FRZB: variants seen among roughly 807,000 people sequenced by gnomAD.
FRZB encodes secreted frizzled-related protein 3.
A neutral mutation model predicts 32.5 loss-of-function variants in FRZB; 34 were observed. The observed-to-expected ratio is 1.05, with a 90% CI of 0.80 to 1.39. The LOEUF is 1.39. Among genes scored for constraint, FRZB ranks in the 40% most tolerant of loss-of-function variants. The pLI is 0.00. For missense variants in FRZB, 423 were observed against 424.8 expected, an observed-to-expected ratio of 1.00 and a Z score of 0.04; for synonymous variants, 170 against 159.2, an observed-to-expected ratio of 1.07 and a Z score of -0.51.
intron 2 of FRZB, among the ~76,000 whole-genome samples, chr2:182,845,552 T>C (rs1695630245): frequency 6.6e-6 from 1 of 151,252 alleles, no homozygotes; most frequent in African/African-American, 2.4e-5. Context: ...GCCTTGGTGC[T>C]TTATGTAAGG....
chr2:182,842,463 T>A lies in FRZB; in HGVS notation c.592+15A>T, dbSNP rs763714098. 1 of 1,597,172 alleles carries A rather than the reference T, an allele frequency of 6.3e-7. No homozygotes were observed. Among genetic ancestry groups the A allele is most frequent in the Non-Finnish European group, 8.6e-7 (1 of 1,164,862 alleles). ...AACACAGCAGTTTATACATCAACCATGAAATTTTCCTTACCATAGTTGTAA... is the reference window on the plus strand; with the variant it reads ...AACACAGCAGTTTATACATCAACCAAGAAATTTTCCTTACCATAGTTGTAA... On this transcript the variant is annotated intron_variant, in intron 3 of 5. Coordinates refer to ENST00000295113, the MANE Select transcript of FRZB (RefSeq NM_001463.4).
In FRZB at chr2:182,858,816, T is replaced by C. The variant is rs757386855; in HGVS notation, c.496A>G (p.Ser166Gly). ...ADGADFPMDSSNGNCRGASSE... is the reference protein window; with the variant it reads ...ADGADFPMDSGNGNCRGASSE... ...CTTGCCCCTCTACAGTTTCCGTTAC[T>C]AGAATCCATAGGAAAATCTGAAAGG... is the stretch of plus-strand genomic sequence containing the variant. Residue 166 changes from serine (S) to glycine (G), a missense_variant, in exon 2 of 6, where the codon AGT (serine) becomes GGT (glycine). Ser to Gly is a moderately conservative substitution (Grantham distance 56). Transcript: ENST00000295113. 1.9e-6 allele frequency: 3 copies of C among 1,610,140 alleles called. No individual in the cohort carries two copies. The highest frequency in any genetic ancestry group is 1.7e-5 in the Admixed American group (1 of 59,984).
chr2:182,858,098 T>C (rs971810183), intron 2 of FRZB, among the ~76,000 whole-genome samples: 3 of 152,198 alleles, frequency 2.0e-5, no homozygotes, highest in Admixed American at 6.5e-5. Context: ...TGGCACTTTT[T>C]TACAAAGCTA....
chr2:182,860,657 A>G (rs1345426374), intron 1 of FRZB, among the ~76,000 whole-genome samples: 1 of 152,192 alleles, frequency 6.6e-6, no homozygotes, highest in Non-Finnish European at 1.5e-5. Context: ...ATCTGAGGTC[A>G]GGAGTTCGAG....
At chr2:182,858,670 A>T (rs993314554) in intron 2 of FRZB, 116 bp downstream of exon 2, 18 of 679,112 alleles carry the variant, frequency 2.7e-5, no homozygotes, top group Non-Finnish European at 3.9e-5. Flanking sequence ...GAATTTTAAA[A>T]AGTTTACTTG....
intron 1 of FRZB, among the ~76,000 whole-genome samples, chr2:182,864,636 T>C (rs1559052679): frequency 6.6e-6 from 1 of 152,250 alleles, no homozygotes; most frequent in African/African-American, 2.4e-5. Flanking sequence ...TCTGTTTATT[T>C]TTTTTCCTTC....
chr2:182,862,592 T>A lies in FRZB; in HGVS notation c.478+3483A>T, dbSNP rs1386936732. Among the ~76,000 whole-genome samples, 8 of 152,208 alleles carry A rather than the reference T, an allele frequency of 5.3e-5. No homozygotes were observed. The East Asian group carries it at 1.5e-3, about 29-fold the overall frequency. On this transcript the variant is annotated intron_variant, in intron 1 of 5. Transcript: ENST00000295113. ...GTTTTGTTTTTCCCCAGAGATGAAC[T>A]AATAAAAGTTCTAGGCTGCATCTGC... is the stretch of plus-strand genomic sequence containing the variant.
At chr2:182,848,687 T>C (rs1374249121) in intron 2 of FRZB, among the ~76,000 whole-genome samples, 1 of 152,142 alleles carries the variant, frequency 6.6e-6, no homozygotes, top group East Asian at 1.9e-4. Context: ...AGGAACCATA[T>C]AGAAGTCATA....
rs1695488746 is a variant in FRZB, at chr2:182,833,575, A to C, written c.*1274T>G. 2 of 152,198 alleles carry C rather than the reference A, an allele frequency of 1.3e-5. No individual in the cohort carries two copies. Among genetic ancestry groups the C allele is most frequent in the African/African-American group, 4.8e-5 (2 of 41,460 alleles). 9.4% of individuals were successfully genotyped at this position (152,198 alleles called of 1,614,324 possible). On this transcript the variant is annotated 3_prime_UTR_variant, in exon 6 of 6. Transcript: ENST00000295113. Reference sequence around the variant, plus strand: ...ATTGTAAATTGAATCATTGTAAGCTAGGGACCATCTATAAAAGCATCATTT... The same window carrying C: ...ATTGTAAATTGAATCATTGTAAGCTCGGGACCATCTATAAAAGCATCATTT...
At chr2:182,845,174 T>C (rs2049006118) in intron 2 of FRZB, among the ~76,000 whole-genome samples, 2 of 152,212 alleles carry the variant, frequency 1.3e-5, no homozygotes, top group African/African-American at 4.8e-5. Context: ...ATCTGAATTA[T>C]GTTTACACAC....
At chr2:182,848,526 C>A (rs373978525) in intron 2 of FRZB, among the ~76,000 whole-genome samples, 19 of 152,110 alleles carry the variant, frequency 1.2e-4, no homozygotes, top group African/African-American at 4.1e-4. Context: ...AATGGAAAAC[C>A]GACAGGGTCT....
intron 2 of FRZB, among the ~76,000 whole-genome samples, chr2:182,849,987 T>C (rs1481940023): frequency 6.6e-6 from 1 of 152,206 alleles, no homozygotes; most frequent in Non-Finnish European, 1.5e-5. Flanking sequence ...ATGTGTCCAC[T>C]CAATGCCAAG....
chr2:182,863,670 T>C (rs150149052), intron 1 of FRZB, among the ~76,000 whole-genome samples: 68 of 141,660 alleles, frequency 4.8e-4, no homozygotes, highest in African/African-American at 1.6e-3. Flanking sequence ...ATTCTGTTTA[T>C]ACCCAGTTGA....
intron 2 of FRZB, among the ~76,000 whole-genome samples, chr2:182,852,681 T>C (rs1695722175): frequency 6.6e-6 from 1 of 152,198 alleles, no homozygotes; most frequent in African/African-American, 2.4e-5. Flanking sequence ...ACCACTTGAA[T>C]ATCTGCTTTA....
intron 1 of FRZB, among the ~76,000 whole-genome samples, chr2:182,864,616 T>C (rs1695870023): frequency 6.6e-6 from 1 of 152,272 alleles, no homozygotes; most frequent in Non-Finnish European, 1.5e-5. Flanking sequence ...TAAAAAGTTC[T>C]TGAAATTCTT....
chr2:182,853,538 T>C lies in FRZB; in HGVS notation c.526+5248A>G, dbSNP rs116294882. ...GATTTCATGATATTGAAAAACATTATCAATTATATAAAGTAACAAAACAAT... is the reference window on the plus strand; with the variant it reads ...GATTTCATGATATTGAAAAACATTACCAATTATATAAAGTAACAAAACAAT... On this transcript the variant is annotated intron_variant, in intron 2 of 5. Coordinates refer to ENST00000295113, the MANE Select transcript of FRZB (RefSeq NM_001463.4). 4.8e-3 allele frequency among the ~76,000 whole-genome samples: 736 copies of C among 152,302 alleles called. 2 individuals are homozygous for C. The highest frequency in any genetic ancestry group is 8.2e-3 in the Non-Finnish European group (557 of 68,030).
chr2:182,855,087 A>C (rs1490680567), intron 2 of FRZB, among the ~76,000 whole-genome samples: 2 of 152,214 alleles, frequency 1.3e-5, no homozygotes, highest in Non-Finnish European at 2.9e-5. Context: ...GGTACTTCGA[A>C]GGCTTTGGAA....
intron 2 of FRZB, among the ~76,000 whole-genome samples, chr2:182,848,205 C>T (rs1273037993): frequency 2.0e-5 from 3 of 152,026 alleles, no homozygotes; most frequent in African/African-American, 7.3e-5. Flanking sequence ...ACTGAAAGGC[C>T]CAGAACTGCT....
chr2:182,836,508 G>A (rs1695527242), intron 5 of FRZB, among the ~76,000 whole-genome samples: 1 of 151,970 alleles, frequency 6.6e-6, no homozygotes, highest in Non-Finnish European at 1.5e-5. Context: ...CAAGTCCCCT[G>A]CGGAAAACAA....
Sources: allele counts gnomAD v4.1 joint callset (sites outside exome capture counted in the v4.1 genomes callset), GRCh38; gene constraint gnomAD v4.1.1; transcripts MANE v1.5; gene names NCBI Gene and HGNC (gene_info 2026-07-23, HGNC 2026-07-21).